The following TOP6BL variants were observed in gnomAD, a reference collection of about 807,000 sequenced individuals.
TOP6BL encodes type 2 DNA topoisomerase 6 subunit B-like.
the TOP6BL span, among the ~76,000 whole-genome samples, chr11:66,753,284 C>T: frequency 6.6e-6 from 1 of 152,054 alleles, no homozygotes; most frequent in Non-Finnish European, 1.5e-5. Flanking sequence ...TCTAAGTCCT[C>T]TAAGTTCTCT....
chr11:66,817,090 T>C, the TOP6BL span, among the ~76,000 whole-genome samples: 2 of 151,984 alleles, frequency 1.3e-5, no homozygotes, highest in African/African-American at 4.8e-5. Flanking sequence ...GAGGCAGAGG[T>C]TGCAGTGAGC....
the TOP6BL span, among the ~76,000 whole-genome samples, chr11:66,813,063 C>T: frequency 1.3e-5 from 2 of 152,222 alleles, no homozygotes; most frequent in African/African-American, 2.4e-5. Context: ...GGAGACAATC[C>T]GAGGAAGTTT....
chr11:66,744,841 G>GGCA, the TOP6BL span: 3 of 1,329,808 alleles, frequency 2.3e-6, no homozygotes, highest in East Asian at 9.2e-5. Context: ...CGGCGGCGGC[G>GGCA]GCGGGCGGGT....
the TOP6BL span, chr11:66,748,584 A>C: frequency 8.1e-7 from 1 of 1,232,122 alleles, no homozygotes; most frequent in Non-Finnish European, 1.1e-6. Context: ...CTTATTTAAA[A>C]ATTTCAATTA....
the TOP6BL span, among the ~76,000 whole-genome samples, chr11:66,753,344 A>G: frequency 1.8e-4 from 27 of 150,406 alleles, no homozygotes; most frequent in Non-Finnish European, 3.0e-4. Flanking sequence ...GAAGACTTTT[A>G]TGGGGTAGGC....
At chr11:66,802,288 G>GT in the TOP6BL span, among the ~76,000 whole-genome samples, 8 of 152,074 alleles carry the variant, frequency 5.3e-5, no homozygotes, top group Non-Finnish European at 1.0e-4. Context: ...GAGTAGCTGG[G>GT]ACTATAGGTG....
At chr11:66,816,259 A>G in the TOP6BL span, 1 of 1,515,982 alleles carries the variant, frequency 6.6e-7, no homozygotes, top group East Asian at 2.3e-5. Context: ...AGAGAGGGAA[A>G]CTTTGTGTAA....
chr11:66,843,482 G>C, the TOP6BL span: 1 of 1,468,722 alleles, frequency 6.8e-7, no homozygotes, highest in South Asian at 1.3e-5. Flanking sequence ...GGGATGGGCT[G>C]CGACTGCTGT....
chr11:66,776,898 A>G, the TOP6BL span, among the ~76,000 whole-genome samples: 1 of 152,064 alleles, frequency 6.6e-6, no homozygotes, highest in African/African-American at 2.4e-5. Flanking sequence ...AAAAAATACA[A>G]AAATTAGCTG....
At chr11:66,829,098 A>T in the TOP6BL span, among the ~76,000 whole-genome samples, 11 of 145,700 alleles carry the variant, frequency 7.5e-5, no homozygotes, top group African/African-American at 2.5e-4. Context: ...AAAAAAAATT[A>T]GCTGAGGCCG....
the TOP6BL span, among the ~76,000 whole-genome samples, chr11:66,825,431 T>C: frequency 2.0e-5 from 3 of 151,114 alleles, no homozygotes; most frequent in African/African-American, 7.3e-5. Flanking sequence ...GTGAAGGTTG[T>C]AGTGAGCTGA....
chr11:66,800,532 A>C, the TOP6BL span: 1 of 776,142 alleles, frequency 1.3e-6, no homozygotes, highest in Non-Finnish European at 2.0e-6. Flanking sequence ...AAGTAATGTT[A>C]ATTTAAAATT....
chr11:66,765,238 A>G, the TOP6BL span, among the ~76,000 whole-genome samples: 1 of 152,210 alleles, frequency 6.6e-6, no homozygotes, highest in South Asian at 2.1e-4. Flanking sequence ...ACTCATGCCA[A>G]TACAAACTCT....
chr11:66,798,997 A>G, the TOP6BL span, among the ~76,000 whole-genome samples: 3 of 152,044 alleles, frequency 2.0e-5, no homozygotes, highest in Admixed American at 2.0e-4. Context: ...ACCTGAGGTC[A>G]GGAGTTCGAG....
chr11:66,771,903 G>C, the TOP6BL span, among the ~76,000 whole-genome samples: 1 of 152,142 alleles, frequency 6.6e-6, no homozygotes, highest in African/African-American at 2.4e-5. Context: ...ACAGCTCATG[G>C]TTCAAGAAGT....
At chr11:66,827,825 T>TGTG in the TOP6BL span, among the ~76,000 whole-genome samples, 1 of 150,404 alleles carries the variant, frequency 6.6e-6, no homozygotes, top group African/African-American at 2.4e-5. Flanking sequence ...ATGAGCCGGG[T>TGTG]GTGGTGGTGC....
At chr11:66,829,734 G>A in the TOP6BL span, among the ~76,000 whole-genome samples, 1 of 150,622 alleles carries the variant, frequency 6.6e-6, no homozygotes, top group Non-Finnish European at 1.5e-5. Flanking sequence ...CAAAAAAATA[G>A]AAAAATTAGC....
chr11:66,757,754 T>G, the TOP6BL span, among the ~76,000 whole-genome samples: 25 of 152,166 alleles, frequency 1.6e-4, no homozygotes, highest in East Asian at 4.8e-3. Context: ...GCTCAGCTAA[T>G]TTTTGTTATT....
the TOP6BL span, chr11:66,843,443 G>A: frequency 1.4e-6 from 2 of 1,383,500 alleles, no homozygotes; most frequent in Admixed American, 3.8e-5. Context: ...TGCGCGCCGC[G>A]GGTCAGGGCG....
Sources: gnomAD v4.1 joint callset for allele counts (sites outside exome capture counted in the v4.1 genomes callset) on GRCh38, gnomAD v4.1.1 for gene constraint, MANE v1.5 for transcripts, NCBI Gene and HGNC (gene_info 2026-07-23, HGNC 2026-07-21) for gene names.